The following RUFY2 variants were observed in gnomAD, a reference collection of about 807,000 sequenced individuals.
RUFY2 encodes RUN and FYVE domain-containing protein 2.
Under a neutral mutation model 94.4 loss-of-function variants are expected in RUFY2, and 49 were observed. The ratio of observed to expected loss-of-function variants is 0.52; its 90% CI spans 0.41 to 0.66. The LOEUF (loss-of-function observed/expected upper bound fraction) is 0.66, where lower values mean the gene tolerates loss of function less well. RUFY2 is among the 30% of genes least tolerant of loss of function. The pLI, the probability that RUFY2 is intolerant of heterozygous loss-of-function variation, is 0.00. For synonymous variants in RUFY2, 255 were observed against 235.7 expected (o/e 1.08, Z -0.75); for missense variants, 541 against 692.8 (o/e 0.78, Z 2.46).
At chr10:68,356,379 G>A (rs189363234) in intron 15 of RUFY2, among the ~76,000 whole-genome samples, 245 of 151,972 alleles carry the variant, frequency 1.6e-3, no homozygotes, top group Non-Finnish European at 3.0e-3. Context: ...AGTGGTGCAC[G>A]CCTGTATTCC....
intron 16 of RUFY2, among the ~76,000 whole-genome samples, chr10:68,347,949 GA>G (rs921160822): frequency 6.6e-6 from 1 of 151,644 alleles, no homozygotes; most frequent in African/African-American, 2.4e-5. Context: ...ATTCTTTGAA[GA>G]AAAAAAAGAC....
intron 7 of RUFY2, among the ~76,000 whole-genome samples, chr10:68,386,957 A>G (rs536830403): frequency 2.6e-5 from 4 of 152,302 alleles, no homozygotes; most frequent in East Asian, 1.9e-4. Flanking sequence ...TCTGGCAGCT[A>G]AACACCCTGT....
chr10:68,384,303 C>T (rs927114332), intron 8 of RUFY2, 151 bp from the exon 9 acceptor site: 11 of 1,019,902 alleles, frequency 1.1e-5, no homozygotes, highest in Non-Finnish European at 1.3e-5. Flanking sequence ...AAGGAAAACA[C>T]GCTCGTTATT....
chr10:68,383,619 C>T (rs1187017251), intron 10 of RUFY2, among the ~76,000 whole-genome samples, 179 bp downstream of exon 10: 1 of 152,118 alleles, frequency 6.6e-6, no homozygotes, highest in Non-Finnish European at 1.5e-5. Context: ...GAATCTGTCT[C>T]AAAACAACAA....
intron 3 of RUFY2, among the ~76,000 whole-genome samples, chr10:68,401,175 A>C (rs1384230478): frequency 6.6e-6 from 1 of 152,224 alleles, no homozygotes; most frequent in Non-Finnish European, 1.5e-5. Context: ...ACCAATTTTC[A>C]GAGGAAGCAA....
At chr10:68,387,810 C>T (rs749088198) in intron 7 of RUFY2, among the ~76,000 whole-genome samples, 6 of 152,040 alleles carry the variant, frequency 3.9e-5, no homozygotes, top group Non-Finnish European at 7.4e-5. Flanking sequence ...CAAAATCAGC[C>T]TGGCCAACAT....
intron 7 of RUFY2, among the ~76,000 whole-genome samples, chr10:68,392,926 C>CAA (rs11432211): frequency 0.025 from 1,951 of 78,488 alleles, 57 homozygotes; most frequent in African/African-American, 0.076. Flanking sequence ...GACTTCATCT[C>CAA]AAAAAAAAAA....
chr10:68,378,024 G>A (rs10998098), intron 12 of RUFY2: 93,341 of 985,262 alleles, frequency 0.095, 4,940 homozygotes, highest in South Asian at 0.25. Context: ...GTTACAAAAA[G>A]GAAAATAGAA....
rs1405857721 is a variant in RUFY2, at chr10:68,404,681, G to A, written c.168C>T (p.His56=). 5 of 1,602,280 alleles carry A rather than the reference G, an allele frequency of 3.1e-6. No individual in the cohort carries two copies. The highest frequency in any genetic ancestry group is 1.7e-4 in the Middle Eastern group (1 of 6,032). The part of the protein sequence containing the change: ...FFVVMEHCLK[H]GLKVRKSFLS... ...AAAATCTCATGATACCTTTAAGACCGTGTTTCAGGCAATGTTCCATAACAA... is the reference window on the plus strand; with the variant it reads ...AAAATCTCATGATACCTTTAAGACCATGTTTCAGGCAATGTTCCATAACAA... Residue 56 remains histidine, a synonymous_variant, in exon 2 of 18, where the codon CAC becomes CAT. Transcript: ENST00000602465.
downstream of RUFY2, chr10:68,341,654 T>C: frequency 6.2e-7 from 1 of 1,613,642 alleles, no homozygotes; most frequent in Non-Finnish European, 8.5e-7. Context: ...GGTTCTGGAA[T>C]GGGAGGCTAC....
intron 2 of RUFY2, among the ~76,000 whole-genome samples, chr10:68,404,262 A>G (rs1438907151): frequency 1.3e-5 from 2 of 152,156 alleles, no homozygotes; most frequent in East Asian, 3.8e-4. Context: ...ATATTTCTAC[A>G]TATGTTCGTG....
intron 15 of RUFY2, among the ~76,000 whole-genome samples, chr10:68,361,285 G>GA (rs1049439271): frequency 2.0e-5 from 3 of 150,476 alleles, no homozygotes; most frequent in East Asian, 1.9e-4. Context: ...CTCTCAAAGA[G>GA]AAAAAAAAAG....
chr10:68,355,623 T>C, intron 15 of RUFY2: 2 of 363,862 alleles, frequency 5.5e-6, no homozygotes, highest in Non-Finnish European at 1.0e-5. Context: ...TAAGAAATAT[T>C]GGCATTTTCG....
At chr10:68,341,288 T>A, downstream of RUFY2, 8 of 1,601,334 alleles carry the variant, frequency 5.0e-6, no homozygotes, top group Non-Finnish European at 6.8e-6. Flanking sequence ...AGCTGCCATG[T>A]CTAAAGATAA....
rs532849576 is a variant in RUFY2, at chr10:68,351,007, C to T, written c.1599+4346G>A. On this transcript the variant is annotated intron_variant, in intron 16 of 17. Coordinates refer to ENST00000602465, the MANE Select transcript of RUFY2 (RefSeq NM_001330103.2). ...ACTGCAGGCATGAGCCACCGTGCCC[C>T]GCCCCACAAGTGTTTTTAAGTTGTA... 4.6e-5 allele frequency among the ~76,000 whole-genome samples: 7 copies of T among 151,958 alleles called. 1 individual carries two copies. The South Asian group carries it at 6.2e-4, about 14-fold the overall frequency.
At chr10:68,357,524 G>C (rs969238113) in intron 15 of RUFY2, among the ~76,000 whole-genome samples, 1 of 151,964 alleles carries the variant, frequency 6.6e-6, no homozygotes, top group African/African-American at 2.4e-5. Flanking sequence ...GAGTCACCGT[G>C]CCAAGCCCCA....
chr10:68,353,253 G>C (rs867111205), intron 16 of RUFY2, among the ~76,000 whole-genome samples: 4 of 149,914 alleles, frequency 2.7e-5, no homozygotes, highest in South Asian at 4.2e-4. Context: ...ATCTCTTGAA[G>C]CCGGGAGGCG....
At position 68,394,443 on chromosome 10, in the gene RUFY2, T is replaced by C. The variant is rs2050226192; in HGVS notation, c.407A>G (p.Tyr136Cys). The change falls in exon 5 of 18, where the codon TAT (tyrosine) becomes TGT (cysteine). Residue 136 changes from tyrosine to cysteine, a missense_variant. Transcript: ENST00000602465. ...TTCCATCATTAGTGCGTGATACTCA[T>C]AAAACTCACTGTGAAAATTTAAAAA... ...IIQRDLLSEFYEYHALMMEEE... is the reference protein window; with the variant it reads ...IIQRDLLSEFCEYHALMMEEE... 1.2e-6 allele frequency: 2 copies of C among 1,608,408 alleles called. No homozygotes were observed. The highest frequency in any genetic ancestry group is 1.7e-6 in the Non-Finnish European group (2 of 1,176,514).
intron 3 of RUFY2, among the ~76,000 whole-genome samples, chr10:68,397,955 C>T (rs1022612226): frequency 2.6e-5 from 4 of 151,360 alleles, no homozygotes; most frequent in Non-Finnish European, 5.9e-5. Context: ...GGTGAAACCC[C>T]GTCTCTACTA....
Sources: gnomAD v4.1 joint callset for allele counts (sites outside exome capture counted in the v4.1 genomes callset) on GRCh38, gnomAD v4.1.1 for gene constraint, MANE v1.5 for transcripts, NCBI Gene and HGNC (gene_info 2026-07-23, HGNC 2026-07-21) for gene names.